The following NCAPH variants were observed in gnomAD, a reference collection of about 807,000 sequenced individuals.
The protein encoded by NCAPH is condensin complex subunit 2.
In NCAPH, 38 loss-of-function variants were observed where a neutral mutation model predicts 85.5. The ratio of observed to expected loss-of-function variants is 0.44; its 90% confidence interval spans 0.34 to 0.58. The LOEUF is 0.58. Among genes scored for constraint, NCAPH ranks in the 20% least tolerant of loss-of-function variants. NCAPH has a pLI of 0.01. For synonymous variants in NCAPH, 301 were observed against 335.1 expected (o/e 0.90, Z 1.11); for missense variants, 789 against 916.6 (o/e 0.86, Z 1.80).
intron 1 of NCAPH, 57 bp downstream of exon 1, chr2:96,335,905 G>GGGCGGGCAGGGCT: frequency 5.0e-6 from 7 of 1,412,056 alleles, no homozygotes; most frequent in Non-Finnish European, 6.5e-6. Context: ...GCAGTACTTC[G>GGGCGGGCAGGGCT]GGCGGGCAGG....
chr2:96,345,404 G>C (rs139685258), intron 6 of NCAPH, among the ~76,000 whole-genome samples: 1 of 152,206 alleles, frequency 6.6e-6, no homozygotes, highest in East Asian at 1.9e-4. Context: ...TCTCAATAAG[G>C]CTGGTTCTGT....
chr2:96,354,927 T>C (rs1342310687), intron 9 of NCAPH, among the ~76,000 whole-genome samples: 1 of 152,186 alleles, frequency 6.6e-6, no homozygotes, highest in Non-Finnish European at 1.5e-5. Context: ...GCTCCCTTTG[T>C]ACACATTGCT....
At position 96,360,257 on chromosome 2, in the gene NCAPH, C is replaced by A; in HGVS notation, c.1464+8C>A. The stretch of plus-strand genomic sequence containing the variant: ...TATTTTAGAAAAACAAAGGTTTGTA[C>A]TGAATTTATTAGGATTGTGCTTACT... On this transcript the variant is annotated splice_region_variant and intron_variant, in intron 11 of 17. Coordinates refer to ENST00000240423, the MANE Select transcript of NCAPH (RefSeq NM_015341.5). 7.3e-7 allele frequency: 1 copy of A among 1,377,656 alleles called. No individual in the cohort carries two copies. The highest frequency in any genetic ancestry group is 1.2e-5 in the South Asian group (1 of 82,086). The allele number at this position is 1,377,656 out of a possible 1,614,324, so 85.3% of individuals were successfully genotyped here.
intron 17 of NCAPH, 23 bp from the exon 18 acceptor site, chr2:96,373,269 T>C (rs761251262): frequency 6.2e-7 from 1 of 1,600,800 alleles, no homozygotes; most frequent in South Asian, 1.1e-5. Flanking sequence ...CCAAAGTCCA[T>C]GCATGTTTTG....
Position 96,364,545 on chromosome 2 carries a change from A to T in NCAPH, c.1652A>T (p.Asp551Val). The change falls in exon 13 of 18, where the codon GAT (aspartate) becomes GTT (valine). Residue 551 changes from aspartate (D) to valine (V), a missense_variant. Transcript: ENST00000240423. ...CATTATGAAGAAATTGAAGACTATG[A>T]TTACAACAACCCTAACGACACCTCC... ...TEHYEEIEDY[D>V]YNNPNDTSNF... 6.2e-7 allele frequency: 1 copy of T among 1,613,878 alleles called. No homozygotes were observed. Among genetic ancestry groups the T allele is most frequent in the Non-Finnish European group, 8.5e-7 (1 of 1,179,750 alleles).
intron 10 of NCAPH, among the ~76,000 whole-genome samples, chr2:96,359,896 T>A (rs569657228): frequency 6.6e-6 from 1 of 152,378 alleles, no homozygotes. Flanking sequence ...GTGTTGGGAT[T>A]ACAGGCATGA....
intron 17 of NCAPH, 126 bp from the exon 18 acceptor site, chr2:96,373,166 A>G (rs1384233597): frequency 1.3e-6 from 1 of 742,478 alleles, no homozygotes; most frequent in African/African-American, 1.8e-5. Context: ...GCTATGAAAC[A>G]GTTTTTCTTA....
At chr2:96,357,555 A>G (rs2104465216) in intron 9 of NCAPH, among the ~76,000 whole-genome samples, 1 of 152,310 alleles carries the variant, frequency 6.6e-6, no homozygotes, top group East Asian at 1.9e-4. Flanking sequence ...TGGAGTGGGG[A>G]TGCTGTTGAA....
intron 17 of NCAPH, among the ~76,000 whole-genome samples, chr2:96,372,802 A>T (rs546106293): frequency 1.2e-3 from 185 of 152,316 alleles, no homozygotes; most frequent in Non-Finnish European, 2.1e-3. Context: ...ATTAAACTTG[A>T]TCATAAGTAT....
At chr2:96,359,854 C>G (rs2064580435) in intron 10 of NCAPH, among the ~76,000 whole-genome samples, 1 of 152,230 alleles carries the variant, frequency 6.6e-6, no homozygotes, top group Admixed American at 6.5e-5. Context: ...GACTCCTGGC[C>G]TCAAGTGATC....
At chr2:96,343,444 G>A in intron 5 of NCAPH, 140 bp downstream of exon 5, 1 of 976,732 alleles carries the variant, frequency 1.0e-6, no homozygotes, top group African/African-American at 1.7e-5. Context: ...AACCATATAT[G>A]GTCTTACGTG....
intron 9 of NCAPH, among the ~76,000 whole-genome samples, chr2:96,357,028 G>A (rs2064533967): frequency 6.6e-6 from 1 of 152,210 alleles, no homozygotes; most frequent in Admixed American, 6.5e-5. Context: ...GGAGCCAAGT[G>A]TTCTCTGGCC....
At chr2:96,360,744 AGG>A in intron 12 of NCAPH, 34 bp downstream of exon 12, 1 of 1,612,778 alleles carries the variant, frequency 6.2e-7, no homozygotes. Context: ...TAAGCACACA[AGG>A]TATCAAGTGG....
In NCAPH at chr2:96,341,748, G is replaced by T. The variant is rs139287054; in HGVS notation, c.126G>T (p.Ala42=). Residue 42 remains alanine (A), a synonymous_variant, in exon 2 of 18, where the codon GCG becomes GCT. Coordinates refer to ENST00000240423, the MANE Select transcript of NCAPH (RefSeq NM_015341.5). ...RVFPMPLPRK[A]PLNIPGTPVL... is the part of the protein sequence containing the mutation. ...TCCCGATGCCCCTGCCCAGGAAGGC[G>T]CCTCTCAATATTCCTGGCACCCCAG... 8.7e-6 allele frequency: 14 copies of T among 1,614,150 alleles called. No individual in the cohort carries two copies. The highest frequency in any genetic ancestry group is 1.2e-5 in the Non-Finnish European group (14 of 1,180,040).
At chr2:96,342,724 TAAC>T in intron 3 of NCAPH, 29 bp from the exon 4 acceptor site, 2 of 1,546,954 alleles carry the variant, frequency 1.3e-6, no homozygotes, top group African/African-American at 1.4e-5. Flanking sequence ...AGGCTATAAA[TAAC>T]AATCCTTTCT....
intron 6 of NCAPH, among the ~76,000 whole-genome samples, chr2:96,349,334 G>T (rs1245470539): frequency 6.6e-6 from 1 of 151,984 alleles, no homozygotes; most frequent in Non-Finnish European, 1.5e-5. Flanking sequence ...GGGATGGATT[G>T]TCACAAACAG....
At chr2:96,359,281 C>G in intron 10 of NCAPH, 88 bp downstream of exon 10, 2 of 1,506,390 alleles carry the variant, frequency 1.3e-6, no homozygotes, top group Non-Finnish European at 1.8e-6. Flanking sequence ...AAATGCCAGT[C>G]ACAGCCCTGT....
intron 6 of NCAPH, among the ~76,000 whole-genome samples, chr2:96,350,473 A>G (rs967070298): frequency 6.6e-6 from 1 of 152,000 alleles, no homozygotes; most frequent in South Asian, 2.1e-4. Context: ...GGAGTAACCT[A>G]TTTTTAGGTA....
chr2:96,351,014 C>A (rs1227418008), intron 6 of NCAPH, among the ~76,000 whole-genome samples: 1 of 152,196 alleles, frequency 6.6e-6, no homozygotes, highest in African/African-American at 2.4e-5. Context: ...TGCTCCTGAC[C>A]CAGCCTTAGG....
Sources: allele counts gnomAD v4.1 joint callset (sites outside exome capture counted in the v4.1 genomes callset), GRCh38; gene constraint gnomAD v4.1.1; transcripts MANE v1.5; gene names NCBI Gene and HGNC (gene_info 2026-07-23, HGNC 2026-07-21).